The following VAT1L variants were observed in gnomAD, a reference collection of about 807,000 sequenced individuals.
VAT1L encodes vesicle amine transport 1 like, also known as putative NADPH-dependent quinone oxidoreductase VAT1L.
In VAT1L, 34 loss-of-function variants were observed where a neutral mutation model predicts 44.1. That is an observed-to-expected ratio of 0.77 (90% CI 0.59 to 1.03). The LOEUF (loss-of-function observed/expected upper bound fraction) is 1.03. Among genes scored for constraint, VAT1L ranks in the 50% least tolerant of loss-of-function variants. The pLI is 0.00. For synonymous variants in VAT1L, 253 were observed against 202.2 expected (o/e 1.25, Z -2.13); for missense variants, 615 against 538.8 (o/e 1.14, Z -1.40).
chr16:77,975,927 T>A (rs1345866107), intron 8 of VAT1L, among the ~76,000 whole-genome samples: 2 of 152,190 alleles, frequency 1.3e-5, no homozygotes, highest in Admixed American at 1.3e-4. Context: ...TCACATCACC[T>A]CAGGGTCTCC....
At chr16:77,922,972 A>G (rs2017628299) in intron 7 of VAT1L, among the ~76,000 whole-genome samples, 1 of 152,160 alleles carries the variant, frequency 6.6e-6, no homozygotes, top group African/African-American at 2.4e-5. Flanking sequence ...TGACGTCTAC[A>G]AGCACTAAAT....
At chr16:77,875,335 A>G (rs1191589331) in intron 4 of VAT1L, among the ~76,000 whole-genome samples, 1 of 152,246 alleles carries the variant, frequency 6.6e-6, no homozygotes, top group Non-Finnish European at 1.5e-5. Context: ...CCAGCTGTTA[A>G]CACATGCTGC....
intron 3 of VAT1L, among the ~76,000 whole-genome samples, chr16:77,852,362 G>T (rs1227708543): frequency 6.6e-6 from 1 of 152,234 alleles, no homozygotes; most frequent in Admixed American, 6.5e-5. Context: ...TGAGGACGGG[G>T]TGTCAGGAAA....
At chr16:77,872,076 C>G (rs1035057889) in intron 4 of VAT1L, among the ~76,000 whole-genome samples, 11 of 152,168 alleles carry the variant, frequency 7.2e-5, no homozygotes, top group Non-Finnish European at 1.3e-4. Flanking sequence ...TAGGTGTTAT[C>G]ACCATCATCC....
chr16:77,876,213 A>T (rs938804169), intron 4 of VAT1L, among the ~76,000 whole-genome samples, 157 bp from the exon 5 acceptor site: 1 of 152,110 alleles, frequency 6.6e-6, no homozygotes, highest in African/African-American at 2.4e-5. Flanking sequence ...GGGAAGACAT[A>T]TCCACCTCCT....
chr16:77,827,365 TATTTC>T (rs1269505256), intron 3 of VAT1L, among the ~76,000 whole-genome samples: 1 of 152,268 alleles, frequency 6.6e-6, no homozygotes, highest in Non-Finnish European at 1.5e-5. Context: ...ACACCTATGA[TATTTC>T]ATTTCATGTT....
intron 7 of VAT1L, chr16:77,892,360 T>C (rs2017275929): frequency 2.9e-6 from 1 of 343,698 alleles, no homozygotes; most frequent in East Asian, 7.1e-5. Flanking sequence ...TCTGAGGCAC[T>C]GAGCACAGTG....
intron 3 of VAT1L, among the ~76,000 whole-genome samples, chr16:77,848,622 A>G (rs1311161410): frequency 6.6e-6 from 1 of 152,148 alleles, no homozygotes; most frequent in Non-Finnish European, 1.5e-5. Flanking sequence ...AAAAACGACA[A>G]AAACAAAAGT....
rs1460684719 is a variant in VAT1L, at chr16:77,825,360, G to A, written c.478G>A (p.Ala160Thr). 1 of 1,614,192 alleles carries A rather than the reference G, an allele frequency of 6.2e-7. No individual in the cohort carries two copies. The highest frequency in any genetic ancestry group is 2.2e-5 in the East Asian group (1 of 44,870). Residue 160 changes from alanine (A) to threonine (T), a missense_variant, in exon 3 of 9, where the codon GCA becomes ACA. Ala to Thr is a moderately conservative substitution (Grantham distance 58). Coordinates refer to ENST00000302536, the MANE Select transcript of VAT1L (RefSeq NM_020927.3). ...TGACATGAGCTTCTCCGAGGCTGCT[G>A]CATTCCCCATGAACTTCGTCACAGC... The part of the protein sequence containing the change: ...PDDMSFSEAA[A>T]FPMNFVTAYV...
chr16:77,933,009 C>T (rs976812227), intron 7 of VAT1L, among the ~76,000 whole-genome samples: 2 of 152,158 alleles, frequency 1.3e-5, no homozygotes, highest in African/African-American at 4.8e-5. Context: ...CGCATGGCCC[C>T]ACCTGACTCC....
intron 7 of VAT1L, among the ~76,000 whole-genome samples, chr16:77,894,774 C>T (rs1299408258): frequency 6.6e-6 from 1 of 152,002 alleles, no homozygotes; most frequent in South Asian, 2.1e-4. Context: ...TGCTAGTATA[C>T]ACGTATATTA....
rs535113583 is a variant in VAT1L, at chr16:77,895,467, GC to G, written c.1077+10667del. ...AGATGGATCCAATACAATCACAAGGGCCTATGTAAGAGAGAGGCAGGAGGGT... is the reference window on the plus strand; with the variant it reads ...AGATGGATCCAATACAATCACAAGGGCTATGTAAGAGAGAGGCAGGAGGGT... On this transcript the variant is annotated intron_variant, in intron 7 of 8. Transcript: ENST00000302536. Among the ~76,000 whole-genome samples the G allele has an allele frequency of 2.2e-4, 33 of 152,240 alleles. No homozygotes were observed. The East Asian group carries it at 6.2e-3, about 29-fold the overall frequency.
At chr16:77,806,535 A>G (rs1182413897) in intron 1 of VAT1L, among the ~76,000 whole-genome samples, 2 of 150,186 alleles carry the variant, frequency 1.3e-5, no homozygotes, top group Non-Finnish European at 3.0e-5. Flanking sequence ...TAGTAGAGAC[A>G]GGTTTCACCA....
At chr16:77,968,266 G>C (rs1424090352) in intron 7 of VAT1L, among the ~76,000 whole-genome samples, 1 of 152,068 alleles carries the variant, frequency 6.6e-6, no homozygotes, top group African/African-American at 2.4e-5. Context: ...GGGCTCTTGG[G>C]TCTCACACAA....
chr16:77,827,423 C>G (rs2016534287), intron 3 of VAT1L, among the ~76,000 whole-genome samples: 1 of 152,114 alleles, frequency 6.6e-6, no homozygotes, highest in Admixed American at 6.5e-5. Flanking sequence ...AAGAATGTGT[C>G]AGGGGCATGT....
intron 7 of VAT1L, among the ~76,000 whole-genome samples, chr16:77,907,881 G>C (rs73564425): frequency 0.04 from 6,015 of 152,174 alleles, 222 homozygotes; most frequent in African/African-American, 0.099. Flanking sequence ...TGTTTAGAGA[G>C]AATCATAATA....
At chr16:77,869,089 C>T (rs1259446801) in intron 4 of VAT1L, among the ~76,000 whole-genome samples, 4 of 151,812 alleles carry the variant, frequency 2.6e-5, no homozygotes, top group Non-Finnish European at 4.4e-5. Flanking sequence ...CTGCCATGTA[C>T]AGGAATGGTG....
chr16:77,935,058 G>A (rs2017777140), intron 7 of VAT1L, among the ~76,000 whole-genome samples: 2 of 152,118 alleles, frequency 1.3e-5, no homozygotes, highest in South Asian at 4.1e-4. Flanking sequence ...TGTTTCTTTG[G>A]GCAGGTCTCT....
In VAT1L at chr16:77,971,451, T is replaced by G. The variant is rs537019003; in HGVS notation, c.1078-399T>G. Reference sequence around the variant, plus strand: ...ATTTAGCCCAACTACGAGTCACAGTTAAATAACATTGAAGTAAGCAGGGCA... The same window carrying G: ...ATTTAGCCCAACTACGAGTCACAGTGAAATAACATTGAAGTAAGCAGGGCA... On this transcript the variant is annotated intron_variant, in intron 7 of 8. Transcript: ENST00000302536. 2.6e-3 allele frequency among the ~76,000 whole-genome samples: 389 copies of G among 152,166 alleles called. 4 individuals are homozygous for G. The highest frequency in any genetic ancestry group is 8.7e-3 in the African/African-American group (361 of 41,452).
Sources: gnomAD v4.1 joint callset for allele counts (sites outside exome capture counted in the v4.1 genomes callset) on GRCh38, gnomAD v4.1.1 for gene constraint, MANE v1.5 for transcripts, NCBI Gene and HGNC (gene_info 2026-07-23, HGNC 2026-07-21) for gene names.